Variants in SBF2 observed in about 807,000 individuals in gnomAD.
SBF2 encodes SET binding factor 2, also known as myotubularin-related protein 13.
A neutral mutation model predicts 225.2 loss-of-function variants in SBF2; 112 were observed. The ratio of observed to expected loss-of-function variants is 0.50; its 90% CI spans 0.43 to 0.58. SBF2 has a LOEUF of 0.58. SBF2 is among the 20% of genes least tolerant of loss of function. The pLI is 0.00. For missense variants in SBF2, 1,996 were observed against 2,206.2 expected (o/e 0.90, Z 1.91); for synonymous variants, 763 against 773.3 (o/e 0.99, Z 0.22).
intron 16 of SBF2, among the ~76,000 whole-genome samples, chr11:9,899,675 A>G (rs1441373880): frequency 1.3e-5 from 2 of 152,140 alleles, no homozygotes; most frequent in African/African-American, 4.8e-5. Context: ...GAGAGAGGAA[A>G]AAGAAAGATC....
chr11:9,828,633 CTG>C, intron 28 of SBF2: 1 of 985,334 alleles, frequency 1.0e-6, no homozygotes, highest in Non-Finnish European at 1.2e-6. Flanking sequence ...CACATGATAA[CTG>C]AAACAGAATA....
At chr11:10,171,440 G>A (rs1323700518) in intron 2 of SBF2, among the ~76,000 whole-genome samples, 1 of 152,132 alleles carries the variant, frequency 6.6e-6, no homozygotes, top group Non-Finnish European at 1.5e-5. Flanking sequence ...GTATCACGTT[G>A]ATTGGTGTGT....
intron 1 of SBF2, among the ~76,000 whole-genome samples, chr11:10,287,800 C>T (rs1438072023): frequency 1.3e-5 from 2 of 152,244 alleles, no homozygotes; most frequent in East Asian, 1.9e-4. Flanking sequence ...CCCACCCACT[C>T]GGCCTTGTAG....
chr11:10,014,196 G>C (rs376364758), intron 6 of SBF2, among the ~76,000 whole-genome samples: 3 of 152,172 alleles, frequency 2.0e-5, no homozygotes, highest in African/African-American at 7.2e-5. Flanking sequence ...CATTTCTACT[G>C]GGGTGACTTT....
intron 1 of SBF2, among the ~76,000 whole-genome samples, chr11:10,270,253 A>T (rs1291375740): frequency 6.6e-6 from 1 of 152,068 alleles, no homozygotes; most frequent in Non-Finnish European, 1.5e-5. Flanking sequence ...ATAACTTATG[A>T]CTCCCCAAAA....
chr11:10,075,409 A>G (rs560057800), intron 2 of SBF2, among the ~76,000 whole-genome samples: 13 of 152,326 alleles, frequency 8.5e-5, no homozygotes, highest in African/African-American at 3.1e-4. Context: ...ATTGCTATGT[A>G]AGAGAATAAT....
rs769524810 is a variant in SBF2, at chr11:9,839,889, G to C, written c.3257-193C>G. Among the ~76,000 whole-genome samples, 4 of 152,172 alleles carry C rather than the reference G, an allele frequency of 2.6e-5. 1 individual carries two copies. The highest frequency in any genetic ancestry group is 4.1e-4 in the South Asian group (2 of 4,828). ...GGGGAGCTCACTCTCATCTGAAACT[G>C]GGATGGTAGAGACAGATATTGAAGA... On this transcript the variant is annotated intron_variant, in intron 25 of 39. Coordinates refer to ENST00000256190, the MANE Select transcript of SBF2 (RefSeq NM_030962.4).
chr11:10,237,331 A>G (rs1332170144), intron 1 of SBF2, among the ~76,000 whole-genome samples: 1 of 152,224 alleles, frequency 6.6e-6, no homozygotes, highest in African/African-American at 2.4e-5. Context: ...TGAGCAACAC[A>G]GCGAGACTCT....
intron 1 of SBF2, among the ~76,000 whole-genome samples, chr11:10,259,617 A>G (rs1170642348): frequency 6.6e-6 from 1 of 152,206 alleles, no homozygotes; most frequent in South Asian, 2.1e-4. Flanking sequence ...AGAACTAATA[A>G]TATTAAATAC....
chr11:9,792,567 C>T (rs1053210465), intron 33 of SBF2, among the ~76,000 whole-genome samples: 20 of 152,196 alleles, frequency 1.3e-4, no homozygotes, highest in African/African-American at 4.3e-4. Context: ...GGCCTGATAA[C>T]GAGTGCATCT....
chr11:10,086,425 A>G (rs1006129050), intron 2 of SBF2, among the ~76,000 whole-genome samples: 1 of 152,166 alleles, frequency 6.6e-6, no homozygotes, highest in Non-Finnish European at 1.5e-5. Flanking sequence ...AATGTAATTC[A>G]CTTGCTGGTC....
At position 10,254,939 on chromosome 11, in the gene SBF2, A is replaced by AAAAAAAT. The variant is rs1960737355; in HGVS notation, c.55+39075_55+39076insATTTTTT. On this transcript the variant is annotated intron_variant, in intron 1 of 39. Coordinates refer to ENST00000256190, the MANE Select transcript of SBF2 (RefSeq NM_030962.4). ...AAAAAAAAAAAAAAAAAAAAAAAAA[A>AAAAAAAT]TCCTATTATTTTCAAAAACATCAAT... is the stretch of plus-strand genomic sequence containing the variant. Among the ~76,000 whole-genome samples the AAAAAAAT allele has an allele frequency of 4.3e-4, 49 of 114,004 alleles. 1 individual carries two copies. Among genetic ancestry groups the AAAAAAAT allele is most frequent in the African/African-American group, 1.2e-3 (37 of 31,774 alleles). 74.8% of individuals were successfully genotyped at this position (114,004 alleles called of 152,430 possible).
chr11:10,043,325 A>T (rs1949726787), intron 2 of SBF2, among the ~76,000 whole-genome samples: 1 of 152,196 alleles, frequency 6.6e-6, no homozygotes, highest in Non-Finnish European at 1.5e-5. Flanking sequence ...TCAAGGGCAA[A>T]ATATGTATCA....
upstream of SBF2, among the ~76,000 whole-genome samples, chr11:10,296,168 C>G (rs1016466319): frequency 6.6e-6 from 1 of 152,002 alleles, no homozygotes; most frequent in Non-Finnish European, 1.5e-5. Context: ...GTTTTTCTCA[C>G]TTAGTATATT....
Position 9,795,919 on chromosome 11 carries a change from G to C in SBF2, c.4482C>G (p.Leu1494=). 2 of 1,613,486 alleles carry C rather than the reference G, an allele frequency of 1.2e-6. No individual in the cohort carries two copies. Among genetic ancestry groups the C allele is most frequent in the South Asian group, 1.1e-5 (1 of 91,072 alleles). The change falls in exon 33 of 40, where the codon CTC becomes CTG. Residue 1494 remains leucine (L), a synonymous_variant. Transcript: ENST00000256190. ...NQYPTEFEFN[L]YYLKFLAFHY... is the part of the protein sequence containing the mutation. ...GGAAAGCCAAGAACTTTAAGTAATA[G>C]AGATTGAATTCAAACTCAGTTGGAT...
chr11:9,815,347 T>TCAGG (rs1476515718), intron 29 of SBF2, among the ~76,000 whole-genome samples: 15 of 138,962 alleles, frequency 1.1e-4, no homozygotes, highest in Non-Finnish European at 1.4e-4. Flanking sequence ...TCTCAGCTAC[T>TCAGG]CAGGAGACTG....
At chr11:9,967,971 C>CTCTCTCTCTCTATA (rs1260685462) in intron 14 of SBF2, among the ~76,000 whole-genome samples, 2 of 91,510 alleles carry the variant, frequency 2.2e-5, no homozygotes, top group African/African-American at 3.8e-5. Flanking sequence ...CTCTCTCTCT[C>CTCTCTCTCTCTATA]TATATATATA....
chr11:10,071,146 CTTTA>C (rs1950850739), intron 2 of SBF2, among the ~76,000 whole-genome samples: 1 of 152,068 alleles, frequency 6.6e-6, no homozygotes, highest in Non-Finnish European at 1.5e-5. Context: ...ATTGAATACC[CTTTA>C]TTTCTTTCTC....
intron 2 of SBF2, among the ~76,000 whole-genome samples, chr11:10,076,499 T>C (rs1029867689): frequency 1.3e-5 from 2 of 152,202 alleles, no homozygotes; most frequent in African/African-American, 4.8e-5. Flanking sequence ...AGTTGGGCAC[T>C]ACCCGTTTGC....
Sources: allele counts gnomAD v4.1 joint callset (sites outside exome capture counted in the v4.1 genomes callset), GRCh38; gene constraint gnomAD v4.1.1; transcripts MANE v1.5; gene names NCBI Gene and HGNC (gene_info 2026-07-23, HGNC 2026-07-21).